SAMD5: variants seen among roughly 807,000 people sequenced by gnomAD.
SAMD5 encodes sterile alpha motif domain-containing protein 5.
In SAMD5, 13 loss-of-function variants were observed where a neutral mutation model predicts 11.3. The observed-to-expected ratio is 1.15, with a 90% CI of 0.75 to 1.83. The LOEUF (loss-of-function observed/expected upper bound fraction) is 1.83. SAMD5 is among the 40% of genes most tolerant of loss of function. The pLI, the probability that SAMD5 is intolerant of heterozygous loss-of-function variation, is 0.00. For missense variants in SAMD5, 255 were observed against 239.1 expected (o/e 1.07, Z -0.44); for synonymous variants, 129 against 111.3 (o/e 1.16, Z -1.00).
intron 1 of SAMD5, among the ~76,000 whole-genome samples, chr6:147,577,889 C>G (rs1789241726): frequency 6.6e-6 from 1 of 152,094 alleles, no homozygotes; most frequent in Admixed American, 6.5e-5. Flanking sequence ...TTCCACATCA[C>G]AAACCATAGC....
chr6:147,909,597 T>TC, the SAMD5 span, among the ~76,000 whole-genome samples: 2 of 62,386 alleles, frequency 3.2e-5, no homozygotes, highest in African/African-American at 1.7e-4. Flanking sequence ...TCTTTCTTTC[T>TC]TTCTTTCTTT....
At chr6:147,808,777 A>G in the SAMD5 span, among the ~76,000 whole-genome samples, 2 of 152,136 alleles carry the variant, frequency 1.3e-5, no homozygotes, top group African/African-American at 4.8e-5. Context: ...TATGAAACCC[A>G]TTCATCTCGG....
rs143788884 is a variant in SAMD5, at chr6:147,612,233, C to T, written c.162+102846C>T. 1.8e-3 allele frequency among the ~76,000 whole-genome samples: 275 copies of T among 152,268 alleles called. 2 individuals carry two copies. Among genetic ancestry groups the T allele is most frequent in the African/African-American group, 6.4e-3 (267 of 41,550 alleles). On this transcript the variant is annotated intron_variant, in intron 1 of 1. Coordinates refer to the SAMD5 transcript ENST00000566741. Reference sequence around the variant, plus strand: ...TTCCATATGGTGACACATGGAGGAACACTGTCGGTTGGCAGAGACTGTGAG... The same window carrying T: ...TTCCATATGGTGACACATGGAGGAATACTGTCGGTTGGCAGAGACTGTGAG...
At chr6:147,896,738 C>CAAAAAAAAAAAAAAAAAAA in the SAMD5 span, among the ~76,000 whole-genome samples, 3 of 55,326 alleles carry the variant, frequency 5.4e-5, no homozygotes, top group African/African-American at 1.4e-4. Flanking sequence ...GAACATTAAC[C>CAAAAAAAAAAAAAAAAAAA]AAAAAAAAAA....
chr6:147,632,681 A>G (rs1583115221), intron 1 of SAMD5, among the ~76,000 whole-genome samples: 1 of 152,246 alleles, frequency 6.6e-6, no homozygotes, highest in East Asian at 1.9e-4. Context: ...TCGACCACAC[A>G]GTATTGACTG....
the SAMD5 span, among the ~76,000 whole-genome samples, chr6:147,756,159 CAA>C: frequency 6.6e-6 from 1 of 152,026 alleles, no homozygotes; most frequent in South Asian, 2.1e-4. Context: ...TGTTTGCAGT[CAA>C]AGAGTTGCTG....
chr6:147,756,984 A>C, the SAMD5 span, among the ~76,000 whole-genome samples: 1 of 152,190 alleles, frequency 6.6e-6, no homozygotes, highest in Non-Finnish European at 1.5e-5. Context: ...ACTCCACATT[A>C]ATTTTTTACT....
chr6:147,642,600 T>C (rs1562340809), intron 1 of SAMD5, among the ~76,000 whole-genome samples: 1 of 152,238 alleles, frequency 6.6e-6, no homozygotes, highest in Non-Finnish European at 1.5e-5. Flanking sequence ...TTCTTAAAGA[T>C]GTCTGCCAGC....
intron 1 of SAMD5, among the ~76,000 whole-genome samples, chr6:147,623,707 G>GA (rs1311377902): frequency 6.6e-6 from 1 of 152,082 alleles, no homozygotes; most frequent in Non-Finnish European, 1.5e-5. Context: ...TGATGTATCT[G>GA]AAAAAACTTA....
intron 1 of SAMD5, among the ~76,000 whole-genome samples, chr6:147,521,202 C>G (rs1348603036): frequency 6.6e-6 from 1 of 151,946 alleles, no homozygotes; most frequent in South Asian, 2.1e-4. Flanking sequence ...AATTACATTT[C>G]TTAGATTACC....
intron 1 of SAMD5, among the ~76,000 whole-genome samples, chr6:147,700,112 C>A (rs976145604): frequency 6.6e-6 from 1 of 152,004 alleles, no homozygotes; most frequent in Admixed American, 6.6e-5. Flanking sequence ...TGCTTCCTTT[C>A]GATTAAAAAA....
chr6:147,687,868 C>T (rs147075428), intron 1 of SAMD5, among the ~76,000 whole-genome samples: 2 of 152,256 alleles, frequency 1.3e-5, no homozygotes, highest in African/African-American at 2.4e-5. Context: ...CTAATGGCAA[C>T]ATGAAATAGT....
At chr6:147,712,685 A>G (rs907190166) in intron 1 of SAMD5, among the ~76,000 whole-genome samples, 7 of 152,130 alleles carry the variant, frequency 4.6e-5, no homozygotes, top group African/African-American at 1.7e-4. Flanking sequence ...CTGCAGAAGC[A>G]TGTGCCATGG....
At chr6:147,849,177 A>G in the SAMD5 span, among the ~76,000 whole-genome samples, 1 of 56,864 alleles carries the variant, frequency 1.8e-5, no homozygotes, top group Non-Finnish European at 3.3e-5. Context: ...TTTTTTTTTT[A>G]CAATTCTGGA....
intron 1 of SAMD5, among the ~76,000 whole-genome samples, chr6:147,645,577 A>T (rs1054494243): frequency 6.6e-6 from 1 of 152,212 alleles, no homozygotes; most frequent in African/African-American, 2.4e-5. Flanking sequence ...CTAATGTGTT[A>T]CATATGATCT....
At chr6:147,806,226 C>G in the SAMD5 span, among the ~76,000 whole-genome samples, 1 of 152,148 alleles carries the variant, frequency 6.6e-6, no homozygotes, top group Non-Finnish European at 1.5e-5. Flanking sequence ...GAGACATCCT[C>G]TGACAAGATT....
chr6:147,830,251 C>CTTTTTTTTTTTTTTTT, the SAMD5 span, among the ~76,000 whole-genome samples: 259 of 84,922 alleles, frequency 3.0e-3, no homozygotes, highest in Non-Finnish European at 4.1e-3. Context: ...TTCTTTCTTT[C>CTTTTTTTTTTTTTTTT]TTTTTTTTTT....
the SAMD5 span, among the ~76,000 whole-genome samples, chr6:147,872,703 G>A: frequency 4.6e-5 from 7 of 152,246 alleles, no homozygotes; most frequent in Admixed American, 2.0e-4. Context: ...TTCATGGTCC[G>A]TGATGGAACA....
chr6:147,950,519 A>G, the SAMD5 span, among the ~76,000 whole-genome samples: 1 of 152,034 alleles, frequency 6.6e-6, no homozygotes, highest in Non-Finnish European at 1.5e-5. Flanking sequence ...GCTAACTCAC[A>G]TTTGGCCCCG....
Sources: allele counts gnomAD v4.1 joint callset (sites outside exome capture counted in the v4.1 genomes callset), GRCh38; gene constraint gnomAD v4.1.1; transcripts MANE v1.5; gene names NCBI Gene and HGNC (gene_info 2026-07-23, HGNC 2026-07-21).